The following IL12RB2 variants were observed in gnomAD, a reference collection of about 807,000 sequenced individuals.
IL12RB2 encodes interleukin 12 receptor subunit beta 2.
IL12RB2 carries 82 observed loss-of-function variants against 89.4 expected under a neutral mutation model. The ratio of observed to expected loss-of-function variants is 0.92; its 90% CI spans 0.77 to 1.10. IL12RB2 has a LOEUF of 1.10. Among genes scored for constraint, IL12RB2 ranks in the 50% least tolerant of loss-of-function variants. The pLI, the probability that IL12RB2 is intolerant of heterozygous loss-of-function variation, is 0.00. For synonymous variants in IL12RB2, 368 were observed against 370.1 expected, an observed-to-expected ratio of 0.99 and a Z score of 0.07; for missense variants, 963 against 1,031.9, an observed-to-expected ratio of 0.93 and a Z score of 0.92.
In IL12RB2 at chr1:67,326,798, G is replaced by A. The variant is rs767293928; in HGVS notation, c.428G>A (p.Cys143Tyr). 1.2e-5 allele frequency: 19 copies of A among 1,613,856 alleles called. No homozygotes were observed. The South Asian group carries it at 2.1e-4, about 18-fold the overall frequency. ...AAGGGAGAACAGGGGACTGTGGCCT[G>A]CACCTGGGAAAGAGGACGAGACACC... ...IQKGEQGTVA[C>Y]TWERGRDTHL... The change falls in exon 5 of 17, where the codon TGC becomes TAC. Residue 143 changes from cysteine (C) to tyrosine (Y), a missense_variant. By Grantham distance (194) the Cys-to-Tyr change is radical (BLOSUM62 -2). Coordinates refer to ENST00000674203, the MANE Select transcript of IL12RB2 (RefSeq NM_001374259.2).
rs144614892 is a variant in IL12RB2 at position 67,345,889 on chromosome 1, TAGAA to T, written c.1039-4977_1039-4974del. Among the ~76,000 whole-genome samples the T allele has an allele frequency of 3.5e-3, 540 of 152,280 alleles. 4 individuals are homozygous for T. Among genetic ancestry groups the T allele is most frequent in the African/African-American group, 0.012 (479 of 41,562 alleles). The stretch of plus-strand genomic sequence containing the variant: ...TAGGTAGCCAAGAATTAACAGAAGA[TAGAA>T]AGAGGAGATGGAAAGGGCATTTTAA... On this transcript the variant is annotated intron_variant, in intron 9 of 16. Transcript: ENST00000674203.
At position 67,396,294 on chromosome 1, in the gene IL12RB2, G is replaced by C; in HGVS notation, c.*205G>C. 1 of 641,984 alleles carries C rather than the reference G, an allele frequency of 1.6e-6. No homozygotes were observed. Among genetic ancestry groups the C allele is most frequent in the South Asian group, 1.7e-5 (1 of 57,340 alleles). 39.8% of individuals were successfully genotyped at this position (641,984 alleles called of 1,614,324 possible). A position where few individuals can be genotyped will look rare whatever the true frequency, so the allele number is the denominator to read the frequency against. ...AGATGCCTCATCTTGCCTTTCCCAGGGCCTTAAAATTACATCCTTCACTGT... is the reference window on the plus strand; with the variant it reads ...AGATGCCTCATCTTGCCTTTCCCAGCGCCTTAAAATTACATCCTTCACTGT... On this transcript the variant is annotated 3_prime_UTR_variant, in exon 17 of 17. Transcript: ENST00000674203.
At chr1:67,354,381 AG>A (rs1473625389) in intron 10 of IL12RB2, among the ~76,000 whole-genome samples, 3 of 152,182 alleles carry the variant, frequency 2.0e-5, no homozygotes, top group African/African-American at 7.2e-5. Context: ...AATAGAATAA[AG>A]TCCCTGGGGA....
intron 10 of IL12RB2, among the ~76,000 whole-genome samples, chr1:67,367,213 C>A (rs1662770262): frequency 6.6e-6 from 1 of 150,792 alleles, no homozygotes; most frequent in Non-Finnish European, 1.5e-5. Context: ...GGCAACGTAG[C>A]AAGACCTTGT....
At chr1:67,394,615 G>A (rs1021663185) in intron 16 of IL12RB2, among the ~76,000 whole-genome samples, 1 of 152,154 alleles carries the variant, frequency 6.6e-6, no homozygotes, top group Non-Finnish European at 1.5e-5. Flanking sequence ...ATCTGACAAG[G>A]AATATTACCT....
At position 67,396,244 on chromosome 1, in the gene IL12RB2, AG is replaced by A. The variant is rs1017501765; in HGVS notation, c.*157del. 4 of 737,810 alleles carry A rather than the reference AG, an allele frequency of 5.4e-6. No individual in the cohort carries two copies. The African/African-American group carries it at 6.8e-5, about 13-fold the overall frequency. The allele number at this position is 737,810 out of a possible 1,614,324, so 45.7% of individuals were successfully genotyped here. On this transcript the variant is annotated 3_prime_UTR_variant, in exon 17 of 17. Coordinates refer to ENST00000674203, the MANE Select transcript of IL12RB2 (RefSeq NM_001374259.2). ...GGCAAGCCAGCTCTGGGGGAGTCTT[AG>A]GAACTGGGAGTTGGTCTTCACTCAG...
At chr1:67,390,455 CTTT>C (rs67532605) in intron 16 of IL12RB2, among the ~76,000 whole-genome samples, 15 of 107,530 alleles carry the variant, frequency 1.4e-4, no homozygotes, top group African/African-American at 1.8e-4. Flanking sequence ...GCAAACTTTC[CTTT>C]TTTTTTTTTT....
At chr1:67,338,336 C>CAAAAAAAAAAAAA (rs572505092) in intron 8 of IL12RB2, among the ~76,000 whole-genome samples, 8 of 40,112 alleles carry the variant, frequency 2.0e-4, no homozygotes, top group Admixed American at 3.5e-4. Flanking sequence ...GATCCTGTCT[C>CAAAAAAAAAAAAA]AAAAAAAAAA....
chr1:67,324,970 T>G (rs1048126730), intron 4 of IL12RB2, among the ~76,000 whole-genome samples: 1 of 152,246 alleles, frequency 6.6e-6, no homozygotes. Flanking sequence ...CAAGAATAGA[T>G]GTTGAATCAG....
At position 67,326,848 on chromosome 1, in the gene IL12RB2, C is replaced by T; in HGVS notation, c.478C>T (p.Gln160Ter). The change falls in exon 5 of 17, where the codon CAG becomes TAG. Residue 160 changes from glutamine to a stop codon, truncating the protein, a stop_gained and splice_region_variant. Coordinates refer to ENST00000674203, the MANE Select transcript of IL12RB2 (RefSeq NM_001374259.2). LOFTEE classifies it high-confidence loss of function. ...DTHLYTEYTL[Q>*]LSGPKNLTWQ... is the part of the protein sequence containing the mutation. The stretch of plus-strand genomic sequence containing the variant: ...CCACTTATACACTGAGTATACTCTA[C>T]AGTGAGTGAGAGGCTGTATTTTTGC... 2.6e-6 allele frequency: 4 copies of T among 1,528,968 alleles called. No individual in the cohort carries two copies. Among genetic ancestry groups the T allele is most frequent in the Non-Finnish European group, 2.7e-6 (3 of 1,130,620 alleles). 94.7% of individuals were successfully genotyped at this position (1,528,968 alleles called of 1,614,324 possible).
chr1:67,326,947 A>AT (rs1188298414), intron 5 of IL12RB2, 98 bp downstream of exon 5: 10 of 652,516 alleles, frequency 1.5e-5, no homozygotes, highest in East Asian at 9.3e-5. Flanking sequence ...ATTTTATTTT[A>AT]TTTATTTATT....
intron 9 of IL12RB2, among the ~76,000 whole-genome samples, chr1:67,340,014 G>A (rs1198114398): frequency 7.2e-6 from 1 of 138,088 alleles, no homozygotes; most frequent in Non-Finnish European, 1.7e-5. Flanking sequence ...TTATGAATCT[G>A]AATGAGCACA....
intron 10 of IL12RB2, among the ~76,000 whole-genome samples, chr1:67,355,156 G>A (rs376580238): frequency 6.6e-6 from 1 of 152,128 alleles, no homozygotes; most frequent in Non-Finnish European, 1.5e-5. Flanking sequence ...GCTCACGCCT[G>A]TAATCCCAGG....
At chr1:67,310,045 C>T (rs1240483191) in intron 1 of IL12RB2, among the ~76,000 whole-genome samples, 1 of 151,832 alleles carries the variant, frequency 6.6e-6, no homozygotes, top group East Asian at 1.9e-4. Flanking sequence ...CATGGTGGCA[C>T]ACACCATGTG....
At chr1:67,324,969 ATGT>A (rs1378905583) in intron 4 of IL12RB2, among the ~76,000 whole-genome samples, 2 of 152,266 alleles carry the variant, frequency 1.3e-5, no homozygotes, top group African/African-American at 4.8e-5. Flanking sequence ...ACAAGAATAG[ATGT>A]TGAATCAGAG....
chr1:67,324,119 AGTGT>A (rs1311623905), intron 4 of IL12RB2, among the ~76,000 whole-genome samples: 3 of 152,368 alleles, frequency 2.0e-5, no homozygotes, highest in African/African-American at 7.2e-5. Context: ...AGTCACGAGT[AGTGT>A]GTGTATATGC....
intron 9 of IL12RB2, among the ~76,000 whole-genome samples, chr1:67,341,579 G>GAA (rs1558318401): frequency 9.0e-5 from 13 of 144,186 alleles, no homozygotes; most frequent in African/African-American, 3.3e-4. Context: ...AAGAAAGAAA[G>GAA]AAAGAAAAGA....
chr1:67,396,082 T>C lies in IL12RB2; in HGVS notation c.2582T>C (p.Met861Thr), dbSNP rs1375150554. The C allele has an allele frequency of 1.3e-6, 2 of 1,587,160 alleles. No homozygotes were observed. Among genetic ancestry groups the C allele is most frequent in the South Asian group, 1.1e-5 (1 of 90,542 alleles). ...TTAAAGATGAGGTGTGACTCCCTCATGCTCTGAGTGGTGAGGCTTCAAGCC... is the reference window on the plus strand; with the variant it reads ...TTAAAGATGAGGTGTGACTCCCTCACGCTCTGAGTGGTGAGGCTTCAAGCC... ...DQLKMRCDSL[M>T]L The change falls in exon 17 of 17, where the codon ATG becomes ACG. Residue 861 changes from methionine (M) to threonine (T), a missense_variant. Met to Thr is a moderately conservative substitution (Grantham distance 81, BLOSUM62 -1). Coordinates refer to ENST00000674203, the MANE Select transcript of IL12RB2 (RefSeq NM_001374259.2).
chr1:67,313,638 A>G (rs1040668947), intron 1 of IL12RB2, among the ~76,000 whole-genome samples: 3 of 152,134 alleles, frequency 2.0e-5, no homozygotes, highest in African/African-American at 7.2e-5. Context: ...CCTGGCCAAC[A>G]TGGTAAAACC....
Sources: gnomAD v4.1 joint callset for allele counts (sites outside exome capture counted in the v4.1 genomes callset) on GRCh38, gnomAD v4.1.1 for gene constraint, MANE v1.5 for transcripts, NCBI Gene and HGNC (gene_info 2026-07-23, HGNC 2026-07-21) for gene names.